The following CIT variants were observed in gnomAD, a reference collection of about 807,000 sequenced individuals.
The protein encoded by CIT is citron Rho-interacting kinase.
A neutral mutation model predicts 272.7 loss-of-function variants in CIT; 79 were observed. That is an observed-to-expected ratio of 0.29 (90% CI 0.24 to 0.35). The LOEUF (loss-of-function observed/expected upper bound fraction) is 0.35, where lower values mean the gene tolerates loss of function less well. CIT is among the 10% of genes least tolerant of loss of function. CIT has a pLI of 1.00. For synonymous variants in CIT, 948 were observed against 995.6 expected, an observed-to-expected ratio of 0.95 and a Z score of 0.90; for missense variants, 1,909 against 2,618.3, an observed-to-expected ratio of 0.73 and a Z score of 5.91.
chr12:119,788,076 T>C (rs1027593734), intron 10 of CIT, among the ~76,000 whole-genome samples: 1 of 152,252 alleles, frequency 6.6e-6, no homozygotes, highest in Non-Finnish European at 1.5e-5. Context: ...ATTTGCTGTG[T>C]GCTATTATTC....
chr12:119,756,281 GAA>G, intron 22 of CIT, among the ~76,000 whole-genome samples: 1 of 152,294 alleles, frequency 6.6e-6, no homozygotes, highest in Admixed American at 6.5e-5. Context: ...ACAAAGGAAC[GAA>G]ACACAGGAAC....
rs575524608 is a variant in CIT at position 119,730,995 on chromosome 12, C to T, written c.3351-365G>A. On this transcript the variant is annotated intron_variant, in intron 26 of 47. Coordinates refer to ENST00000392521, the MANE Select transcript of CIT (RefSeq NM_001206999.2). The stretch of plus-strand genomic sequence containing the variant: ...ATACAAAATTAGCTGGGTGTGGTGG[C>T]GTGCGCCCCTAAACCCAGCTACTCG... Among the ~76,000 whole-genome samples, 11 of 151,728 alleles carry T rather than the reference C, an allele frequency of 7.2e-5. No homozygotes were observed. The South Asian group carries it at 1.5e-3, about 20-fold the overall frequency.
chr12:119,777,250 G>A (rs1043099461), intron 13 of CIT, among the ~76,000 whole-genome samples: 4 of 151,198 alleles, frequency 2.6e-5, no homozygotes, highest in Admixed American at 6.6e-5. Flanking sequence ...GCAAGACTCC[G>A]TCTCAAAAAA....
intron 2 of CIT, among the ~76,000 whole-genome samples, chr12:119,875,707 G>T (rs57459050): frequency 6.6e-6 from 1 of 151,958 alleles, no homozygotes; most frequent in South Asian, 2.1e-4. Context: ...AAAGCAAGCT[G>T]GGCACGGTTC....
In CIT at chr12:119,704,407, T is replaced by A; in HGVS notation, c.5260A>T (p.Ile1754Phe). Residue 1754 changes from isoleucine to phenylalanine, a missense_variant, in exon 41 of 48, where the codon ATT becomes TTT. By Grantham distance (21) the Ile-to-Phe change is conservative (BLOSUM62 0). Coordinates refer to ENST00000392521, the MANE Select transcript of CIT (RefSeq NM_001206999.2). Reference sequence around the variant, plus strand: ...CTGAGGTTTTCGTTGTAGCGGAGAATGACGACTTTGCTGGGCATGGCTGCA... The same window carrying A: ...CTGAGGTTTTCGTTGTAGCGGAGAAAGACGACTTTGCTGGGCATGGCTGCA... ...ICAAMPSKVV[I>F]LRYNENLSKY... The A allele has an allele frequency of 6.2e-7, 1 of 1,613,984 alleles. No homozygotes were observed. The highest frequency in any genetic ancestry group is 8.5e-7 in the Non-Finnish European group (1 of 1,179,886).
chr12:119,703,904 G>C (rs187640192), intron 41 of CIT, among the ~76,000 whole-genome samples: 35 of 152,334 alleles, frequency 2.3e-4, no homozygotes, highest in Admixed American at 1.9e-3. Context: ...GCTCCGAAAA[G>C]AAGGAGCTCC....
rs780327897 is a variant in CIT, at chr12:119,690,341, T to C, written c.5996A>G (p.His1999Arg). 6.3e-7 allele frequency: 1 copy of C among 1,597,414 alleles called. No individual in the cohort carries two copies. Among genetic ancestry groups the C allele is most frequent in the Non-Finnish European group, 8.5e-7 (1 of 1,178,370 alleles). The change falls in exon 47 of 48, where the codon CAC (histidine) becomes CGC (arginine). Residue 1999 changes from histidine (H) to arginine (R), a missense_variant. By Grantham distance (29) the His-to-Arg change is conservative (BLOSUM62 0). Around this residue, in one of 8 missense-constraint regions of CIT, gnomAD observed 780 missense variants for 1,067.2 expected, o/e 0.73. Transcript: ENST00000392521. The surrounding 1 kb of genome is among the most constrained non-coding windows in gnomAD (Gnocchi z 6.0). ...PSHPREPSTP[H>R]RYREGRTELR... is the part of the protein sequence containing the mutation. ...CTCGGTCCGCCCCTCGCGGTAGCGG[T>C]GGGGTGTGCTTGGCTCTCGCGGGTG...
chr12:119,714,136 T>C (rs1010564397), intron 33 of CIT, 61 bp downstream of exon 33: 14 of 1,593,716 alleles, frequency 8.8e-6, no homozygotes, highest in Admixed American at 1.8e-5. Flanking sequence ...CTCCACCTGA[T>C]AGACTTTTTA....
chr12:119,822,679 T>C lies in CIT; in HGVS notation c.1111+141A>G, dbSNP rs1967821831. ...TATTACTCAAAGACAGCTACATCAT[T>C]AGCCTTTACTACTCCTGTAGATAAT... On this transcript the variant is annotated intron_variant, in intron 9 of 47. Coordinates refer to ENST00000392521, the MANE Select transcript of CIT (RefSeq NM_001206999.2). The C allele has an allele frequency of 8.4e-6, 7 of 833,626 alleles. No individual in the cohort carries two copies. The East Asian group carries it at 1.6e-4, about 19-fold the overall frequency. 51.6% of individuals were successfully genotyped at this position (833,626 alleles called of 1,614,324 possible). A position where few individuals can be genotyped will look rare whatever the true frequency, so the allele number is the denominator to read the frequency against.
intron 32 of CIT, among the ~76,000 whole-genome samples, chr12:119,715,250 G>A (rs190325336): frequency 6.6e-6 from 1 of 152,228 alleles, no homozygotes; most frequent in Admixed American, 6.5e-5. Flanking sequence ...AAATTACCCA[G>A]TCTTGGGCAT....
chr12:119,834,486 T>C (rs895299866), intron 5 of CIT, among the ~76,000 whole-genome samples: 5 of 152,214 alleles, frequency 3.3e-5, no homozygotes, highest in African/African-American at 9.6e-5. Context: ...GCTTGAACAG[T>C]TGAATTAAAT....
chr12:119,870,298 C>G (rs1950630407), intron 2 of CIT, among the ~76,000 whole-genome samples: 1 of 152,064 alleles, frequency 6.6e-6, no homozygotes, highest in Non-Finnish European at 1.5e-5. Context: ...CATCTGTAAT[C>G]CCAGCACTTT....
intron 7 of CIT, among the ~76,000 whole-genome samples, chr12:119,830,228 C>T (rs1288368288): frequency 1.3e-5 from 2 of 151,274 alleles, no homozygotes; most frequent in East Asian, 1.9e-4. Context: ...AAAAGAGAGG[C>T]AATATTCTCA....
chr12:119,690,681 A>G lies in CIT; in HGVS notation c.5883-227T>C, dbSNP rs755886398. On this transcript the variant is annotated intron_variant, in intron 46 of 47. Coordinates refer to ENST00000392521, the MANE Select transcript of CIT (RefSeq NM_001206999.2). The surrounding 1 kb of genome is among the most constrained non-coding windows in gnomAD (Gnocchi z 6.0). ...CCCACCTTCCTCAGTGCAGGCTTTCATTTACTGAGCACCTACTGTGTGCCA... is the reference window on the plus strand; with the variant it reads ...CCCACCTTCCTCAGTGCAGGCTTTCGTTTACTGAGCACCTACTGTGTGCCA... Among the ~76,000 whole-genome samples, 24 of 152,216 alleles carry G rather than the reference A, an allele frequency of 1.6e-4. No individual in the cohort carries two copies. Among genetic ancestry groups the G allele is most frequent in the Non-Finnish European group, 3.1e-4 (21 of 68,036 alleles).
At chr12:119,737,924 T>C (rs11064892) in intron 24 of CIT, among the ~76,000 whole-genome samples, 36,381 of 152,040 alleles carry the variant, frequency 0.24, 4,613 homozygotes, top group Middle Eastern at 0.33. Flanking sequence ...CACACACACA[T>C]ACGTTACTGA....
At chr12:119,761,876 G>A (rs1961844742) in intron 19 of CIT, among the ~76,000 whole-genome samples, 1 of 152,060 alleles carries the variant, frequency 6.6e-6, no homozygotes, top group South Asian at 2.1e-4. Flanking sequence ...ATGTTCTTTG[G>A]GGCACACACA....
intron 46 of CIT, among the ~76,000 whole-genome samples, chr12:119,691,515 C>T (rs1267612326): frequency 6.6e-6 from 1 of 152,112 alleles, no homozygotes; most frequent in Non-Finnish European, 1.5e-5. Flanking sequence ...ATAAGACGAC[C>T]GAGAGGTGTA....
intron 17 of CIT, among the ~76,000 whole-genome samples, chr12:119,771,257 A>G (rs1375984953): frequency 6.6e-6 from 1 of 152,212 alleles, no homozygotes; most frequent in African/African-American, 2.4e-5. Flanking sequence ...GAAGAACCAT[A>G]AAGCAAAGAG....
chr12:119,700,931 C>A (rs1956524975), intron 43 of CIT, 106 bp from the exon 44 acceptor site: 2 of 821,876 alleles, frequency 2.4e-6, no homozygotes, highest in South Asian at 3.0e-5. Flanking sequence ...GGACCCCTGG[C>A]CAGATGGGAC....
Sources: gnomAD v4.1 joint callset for allele counts (sites outside exome capture counted in the v4.1 genomes callset) on GRCh38, gnomAD v4.1.1 for gene constraint, gnomAD v4.1.1 regional missense constraint, Gnocchi (gnomAD v3.1) non-coding constraint, MANE v1.5 for transcripts, NCBI Gene and HGNC (gene_info 2026-07-23, HGNC 2026-07-21) for gene names.